ILDR1: variants seen among roughly 807,000 people sequenced by gnomAD.
ILDR1 encodes the protein immunoglobulin-like domain-containing receptor 1.
ILDR1 carries 56 observed loss-of-function variants against 62.4 expected under a neutral mutation model. The observed-to-expected ratio is 0.90, with a 90% CI of 0.72 to 1.12. ILDR1 has a LOEUF of 1.12. Among genes scored for constraint, ILDR1 ranks in the 50% most tolerant of loss-of-function variants. ILDR1 has a pLI of 0.00. For synonymous variants in ILDR1, 284 were observed against 277.8 expected (o/e 1.02, Z -0.22); for missense variants, 736 against 710.6 (o/e 1.04, Z -0.41).
chr3:122,046,798 G>T, the ILDR1 span, among the ~76,000 whole-genome samples: 49 of 132,462 alleles, frequency 3.7e-4, no homozygotes, highest in African/African-American at 1.3e-3. Flanking sequence ...CCCTGTATTG[G>T]TTATTCTAGT....
chr3:122,039,291 G>C, the ILDR1 span, among the ~76,000 whole-genome samples: 15 of 151,862 alleles, frequency 9.9e-5, no homozygotes, highest in African/African-American at 3.6e-4. Flanking sequence ...AAAACCAAAA[G>C]CAAAAAACTC....
the ILDR1 span, among the ~76,000 whole-genome samples, chr3:122,035,752 A>C: frequency 1.3e-5 from 2 of 152,212 alleles, no homozygotes; most frequent in Non-Finnish European, 2.9e-5. Context: ...TGAGTCAATT[A>C]AATCTCTTTT....
chr3:122,022,174 A>G lies in ILDR1; in HGVS notation c.-97T>C, dbSNP rs796150665. ...CCAGGACGCACCACCTTCTCCAAGG[A>G]ACCCCTCGGGTTTCCCCTCCCTCGG... On this transcript the variant is annotated 5_prime_UTR_variant, in exon 1 of 8. Transcript: ENST00000344209. 5 of 1,111,946 alleles carry G rather than the reference A, an allele frequency of 4.5e-6. No homozygotes were observed. The African/African-American group carries it at 7.8e-5, about 17-fold the overall frequency. The allele number at this position is 1,111,946 out of a possible 1,614,324, so 68.9% of individuals were successfully genotyped here.
intron 7 of ILDR1, among the ~76,000 whole-genome samples, chr3:121,990,109 T>G (rs756017013): frequency 3.3e-5 from 5 of 152,102 alleles, no homozygotes; most frequent in Non-Finnish European, 5.9e-5. Flanking sequence ...GGCCCAATTG[T>G]ATTAGGATGT....
chr3:122,013,414 G>A (rs1306651830), intron 1 of ILDR1, among the ~76,000 whole-genome samples: 1 of 152,158 alleles, frequency 6.6e-6, no homozygotes, highest in Non-Finnish European at 1.5e-5. Context: ...CCGGCAAGGG[G>A]CAGTGGCCTG....
Position 122,007,054 on chromosome 3 carries a change from C to T in ILDR1, c.166G>A (p.Val56Met), listed in dbSNP as rs764591815. ...DYTTSAQLQDVVVTWRFKSFC... is the reference protein window; with the variant it reads ...DYTTSAQLQDMVVTWRFKSFC... Reference sequence around the variant, plus strand: ...GACTTGAAGCGCCATGTCACCACCACGTCCTGGAGCTGGGCAGAGGTGGTG... The same window carrying T: ...GACTTGAAGCGCCATGTCACCACCATGTCCTGGAGCTGGGCAGAGGTGGTG... Residue 56 changes from valine (V) to methionine (M), a missense_variant, in exon 2 of 8, where the codon GTG becomes ATG. By Grantham distance (21) the Val-to-Met change is conservative (BLOSUM62 1). Coordinates refer to ENST00000344209, the MANE Select transcript of ILDR1 (RefSeq NM_001199799.2). 43 of 1,613,938 alleles carry T rather than the reference C, an allele frequency of 2.7e-5. No homozygotes were observed. Among genetic ancestry groups the T allele is most frequent in the African/African-American group, 8.0e-5 (6 of 74,904 alleles).
At chr3:122,037,315 G>T in the ILDR1 span, among the ~76,000 whole-genome samples, 2 of 152,220 alleles carry the variant, frequency 1.3e-5, no homozygotes, top group African/African-American at 4.8e-5. Flanking sequence ...GCCCATGAAA[G>T]CAGCCAAAGG....
chr3:122,056,064 T>C, the ILDR1 span, among the ~76,000 whole-genome samples: 1 of 152,218 alleles, frequency 6.6e-6, no homozygotes, highest in Non-Finnish European at 1.5e-5. Context: ...CATGATGTGC[T>C]GGGTACTTTA....
chr3:122,019,075 A>T (rs72965407), intron 1 of ILDR1, among the ~76,000 whole-genome samples: 6,520 of 152,230 alleles, frequency 0.043, 392 homozygotes, highest in African/African-American at 0.14. Context: ...AAATTCACTA[A>T]AGCAGAAATG....
chr3:122,003,747 T>G (rs1388666256), intron 3 of ILDR1, among the ~76,000 whole-genome samples: 1 of 150,368 alleles, frequency 6.7e-6, no homozygotes, highest in African/African-American at 2.5e-5. Context: ...TGGCTGGGAG[T>G]GGGAGTAGTG....
upstream of ILDR1, among the ~76,000 whole-genome samples, chr3:122,027,146 T>C (rs2071928567): frequency 3.3e-5 from 5 of 152,340 alleles, no homozygotes; most frequent in South Asian, 4.1e-4. Flanking sequence ...TTTTTGTTAC[T>C]GTTTTAAGTT....
Position 121,987,852 on chromosome 3 carries a change from C to T in ILDR1, c.*515G>A. 3.9e-6 allele frequency: 1 copy of T among 255,418 alleles called. No homozygotes were observed. Among genetic ancestry groups the T allele is most frequent in the South Asian group, 4.7e-5 (1 of 21,086 alleles). 15.8% of individuals were successfully genotyped at this position (255,418 alleles called of 1,614,324 possible). ...TATAAATATGCAAGAGAGCATGAAC[C>T]AAGGCTAAAACTACAGTTGGTAATT... On this transcript the variant is annotated 3_prime_UTR_variant, in exon 8 of 8. Coordinates refer to ENST00000344209, the MANE Select transcript of ILDR1 (RefSeq NM_001199799.2).
chr3:121,993,829 T>C lies in ILDR1; in HGVS notation c.920A>G (p.Lys307Arg), dbSNP rs769553716. 1 of 1,614,064 alleles carries C rather than the reference T, an allele frequency of 6.2e-7. No individual in the cohort carries two copies. The highest frequency in any genetic ancestry group is 8.5e-7 in the Non-Finnish European group (1 of 1,179,998). ...GCTGCAGGGATGGCCAAATCTGCCT[T>C]TGAGGTCAGGGGGCAGAGGCTGGGC... is the stretch of plus-strand genomic sequence containing the variant. ...NLAQPLPPDL[K>R]GRFGHPCSML... The change falls in exon 7 of 8, where the codon AAA becomes AGA. Residue 307 changes from lysine (K) to arginine (R), a missense_variant. By Grantham distance (26) the Lys-to-Arg change is conservative. Coordinates refer to ENST00000344209, the MANE Select transcript of ILDR1 (RefSeq NM_001199799.2).
At chr3:122,014,945 A>G (rs900375143) in intron 1 of ILDR1, among the ~76,000 whole-genome samples, 3 of 152,220 alleles carry the variant, frequency 2.0e-5, no homozygotes, top group African/African-American at 7.2e-5. Flanking sequence ...CTCAGAGCAC[A>G]TGCAAATTTA....
At chr3:122,006,130 G>A (rs1362749315) in intron 2 of ILDR1, among the ~76,000 whole-genome samples, 1 of 152,146 alleles carries the variant, frequency 6.6e-6, no homozygotes, top group Non-Finnish European at 1.5e-5. Flanking sequence ...GGCTCAGACA[G>A]CTCTTGAGGT....
At chr3:121,993,023 T>C in intron 7 of ILDR1, 127 bp downstream of exon 7, 2 of 793,024 alleles carry the variant, frequency 2.5e-6, no homozygotes, top group South Asian at 3.0e-5. Context: ...CAGTGTAATT[T>C]GGGCAAAACA....
At chr3:122,053,171 C>G in the ILDR1 span, among the ~76,000 whole-genome samples, 1 of 152,148 alleles carries the variant, frequency 6.6e-6, no homozygotes, top group Non-Finnish European at 1.5e-5. Context: ...ATCTTGCTGA[C>G]GTTCACTGTG....
the ILDR1 span, among the ~76,000 whole-genome samples, chr3:122,059,193 T>A: frequency 6.6e-6 from 1 of 151,920 alleles, no homozygotes; most frequent in Non-Finnish European, 1.5e-5. Context: ...ACATGAAGAG[T>A]CTTCTGCATA....
the ILDR1 span, among the ~76,000 whole-genome samples, chr3:122,029,800 A>T: frequency 5.9e-5 from 9 of 152,218 alleles, no homozygotes; most frequent in Non-Finnish European, 4.4e-5. Flanking sequence ...TTACTATAGA[A>T]TTAAACCAAG....
Sources: allele counts gnomAD v4.1 joint callset (sites outside exome capture counted in the v4.1 genomes callset), GRCh38; gene constraint gnomAD v4.1.1; transcripts MANE v1.5; gene names NCBI Gene and HGNC (gene_info 2026-07-23, HGNC 2026-07-21).